The following JAZF1 variants were observed in gnomAD, a reference collection of about 807,000 sequenced individuals.
The protein encoded by JAZF1 is JAZF zinc finger 1.
A neutral mutation model predicts 26.4 loss-of-function variants in JAZF1; 8 were observed. The ratio of observed to expected loss-of-function variants is 0.30; its 90% CI spans 0.18 to 0.55. JAZF1 has a LOEUF of 0.55. Ranked by LOEUF, JAZF1 falls within the 20% of genes least tolerant of loss-of-function variation. The pLI is 0.94. For missense variants in JAZF1, 199 were observed against 322.0 expected (o/e 0.62, Z 2.92); for synonymous variants, 126 against 122.3 (o/e 1.03, Z -0.20).
chr7:28,163,170 T>C (rs1783318263), intron 1 of JAZF1, among the ~76,000 whole-genome samples: 1 of 152,238 alleles, frequency 6.6e-6, no homozygotes, highest in Non-Finnish European at 1.5e-5. Flanking sequence ...ATCAGCCTTA[T>C]ATGGCAAATA....
intron 1 of JAZF1, among the ~76,000 whole-genome samples, chr7:28,134,305 ATGAT>A (rs1167529059): frequency 1.3e-5 from 2 of 151,928 alleles, no homozygotes; most frequent in East Asian, 1.9e-4. Flanking sequence ...TGTTTCTTTG[ATGAT>A]TGATTGAGAG....
chr7:27,957,241 C>T (rs578137386), intron 2 of JAZF1, among the ~76,000 whole-genome samples: 33 of 152,330 alleles, frequency 2.2e-4, no homozygotes, highest in Middle Eastern at 6.8e-3. Context: ...CCTGAAATTT[C>T]TAGCTTTTGT....
rs181830835 is a variant in JAZF1 at position 27,881,665 on chromosome 7, G to A, written c.385+13555C>T. Among the ~76,000 whole-genome samples the A allele has an allele frequency of 4.4e-3, 676 of 152,236 alleles. 11 individuals are homozygous for A. In the South Asian group the frequency reaches 0.051, roughly 11 times the overall value. On this transcript the variant is annotated intron_variant, in intron 3 of 4. Coordinates refer to ENST00000283928, the MANE Select transcript of JAZF1 (RefSeq NM_175061.4). ...CTCAAAAACACCATCCTACATTGAT[G>A]GCCCAGCATCAGTCCCCGTAACTGT...
At chr7:27,863,889 C>T (rs548284464) in intron 3 of JAZF1, 1 of 152,352 alleles carries the variant, frequency 6.6e-6, no homozygotes, top group East Asian at 1.9e-4. Context: ...GTTCAATTCC[C>T]TGTCACATTT....
chr7:28,129,164 C>T (rs1225034953), intron 1 of JAZF1, among the ~76,000 whole-genome samples: 1 of 151,966 alleles, frequency 6.6e-6, no homozygotes, highest in African/African-American at 2.4e-5. Context: ...CTGTGAATAC[C>T]CCCCAAACTC....
chr7:28,160,701 G>T (rs1055277542), intron 1 of JAZF1, among the ~76,000 whole-genome samples: 1 of 152,156 alleles, frequency 6.6e-6, no homozygotes, highest in Admixed American at 6.5e-5. Context: ...GGAAGGTCAC[G>T]ATATATTTAT....
chr7:27,866,102 C>T (rs1162154914), intron 3 of JAZF1, among the ~76,000 whole-genome samples: 4 of 152,208 alleles, frequency 2.6e-5, no homozygotes, highest in African/African-American at 9.7e-5. Context: ...TCGTCTTCAT[C>T]GAGTGAGGGC....
chr7:27,899,065 C>T (rs550544288), intron 2 of JAZF1, among the ~76,000 whole-genome samples: 9 of 152,224 alleles, frequency 5.9e-5, no homozygotes, highest in African/African-American at 1.7e-4. Context: ...TGCTCCTCTT[C>T]CTCCTCCCTT....
At chr7:28,041,758 G>A (rs779673434) in intron 1 of JAZF1, among the ~76,000 whole-genome samples, 4 of 152,120 alleles carry the variant, frequency 2.6e-5, no homozygotes, top group Non-Finnish European at 2.9e-5. Context: ...TCCCCTGTAC[G>A]CAGCTGTCTG....
intron 2 of JAZF1, among the ~76,000 whole-genome samples, chr7:27,967,022 G>T (rs1026106923): frequency 2.6e-5 from 4 of 152,176 alleles, no homozygotes; most frequent in Admixed American, 2.6e-4. Flanking sequence ...TAAACCAAGA[G>T]ATCTGAAAAG....
intron 2 of JAZF1, among the ~76,000 whole-genome samples, chr7:27,909,601 G>T (rs1784326204): frequency 6.6e-6 from 1 of 152,146 alleles, no homozygotes; most frequent in African/African-American, 2.4e-5. Context: ...CAGCTACTAG[G>T]GAGGCTGAGG....
chr7:27,860,797 A>G (rs938454055), intron 3 of JAZF1, among the ~76,000 whole-genome samples: 2 of 152,060 alleles, frequency 1.3e-5, no homozygotes, highest in African/African-American at 2.4e-5. Flanking sequence ...ATGGACTGTA[A>G]GCCTCCTCTC....
chr7:28,139,283 G>A (rs1482643047), intron 1 of JAZF1, among the ~76,000 whole-genome samples: 1 of 152,210 alleles, frequency 6.6e-6, no homozygotes, highest in African/African-American at 2.4e-5. Context: ...TCAGCCAGAG[G>A]CCCAGGGAAC....
chr7:28,151,516 T>G (rs1339443798), intron 1 of JAZF1, among the ~76,000 whole-genome samples: 1 of 152,004 alleles, frequency 6.6e-6, no homozygotes, highest in African/African-American at 2.4e-5. Context: ...AAACAAAGGA[T>G]GAGGCCAGGC....
chr7:28,020,332 G>A lies in JAZF1; in HGVS notation c.116-28351C>T, dbSNP rs559940711. On this transcript the variant is annotated intron_variant, in intron 1 of 4. Coordinates refer to ENST00000283928, the MANE Select transcript of JAZF1 (RefSeq NM_175061.4). The stretch of plus-strand genomic sequence containing the variant: ...AGTATTTAAGCTTAGAGAGAAAAGC[G>A]AAGAGAAGCCTTCTGATGAGGTGTG... 5.9e-5 allele frequency among the ~76,000 whole-genome samples: 9 copies of A among 152,288 alleles called. No homozygotes were observed. The South Asian group carries it at 1.0e-3, about 18-fold the overall frequency.
intron 1 of JAZF1, among the ~76,000 whole-genome samples, chr7:28,061,030 C>G (rs903361285): frequency 6.6e-6 from 1 of 152,198 alleles, no homozygotes; most frequent in African/African-American, 2.4e-5. Flanking sequence ...AATTTCTGCA[C>G]AGCACTGATT....
intron 2 of JAZF1, among the ~76,000 whole-genome samples, chr7:27,945,537 T>C (rs561806233): frequency 6.6e-6 from 1 of 152,318 alleles, no homozygotes; most frequent in African/African-American, 2.4e-5. Context: ...CAGGTCAAGT[T>C]ACACCTGTCC....
chr7:28,103,812 C>CT (rs1462007295), intron 1 of JAZF1, among the ~76,000 whole-genome samples: 2 of 152,186 alleles, frequency 1.3e-5, no homozygotes, highest in African/African-American at 2.4e-5. Context: ...ATCAGTCTCC[C>CT]TGCTTCCACC....
At chr7:28,170,274 A>G (rs1783434402) in intron 1 of JAZF1, among the ~76,000 whole-genome samples, 1 of 152,062 alleles carries the variant, frequency 6.6e-6, no homozygotes, top group South Asian at 2.1e-4. Flanking sequence ...ATAATAAAAT[A>G]AAGTACCTGA....
Sources: gnomAD v4.1 joint callset for allele counts (sites outside exome capture counted in the v4.1 genomes callset) on GRCh38, gnomAD v4.1.1 for gene constraint, MANE v1.5 for transcripts, NCBI Gene and HGNC (gene_info 2026-07-23, HGNC 2026-07-21) for gene names.